Variants in AMMECR1 observed in about 807,000 individuals in gnomAD.
AMMECR1 encodes the protein nuclear protein AMMECR1.
In AMMECR1, 3 loss-of-function variants were observed where a neutral mutation model predicts 22.5. The observed-to-expected ratio is 0.13, with a 90% CI of 0.06 to 0.35. The LOEUF (loss-of-function observed/expected upper bound fraction) is 0.35, where lower values mean the gene tolerates loss of function less well. AMMECR1 is among the 10% of genes least tolerant of loss of function. The pLI, the probability that AMMECR1 is intolerant of heterozygous loss-of-function variation, is 1.00. For synonymous variants in AMMECR1, 130 were observed against 116.7 expected, an observed-to-expected ratio of 1.11 and a Z score of -0.74; for missense variants, 235 against 278.7, an observed-to-expected ratio of 0.84 and a Z score of 1.12.
At chrX:110,342,064 TA>T (rs1174148583) in intron 2 of AMMECR1, among the ~76,000 whole-genome samples, 4 of 109,842 alleles carry the variant, frequency 3.6e-5, no homozygotes, top group African/African-American at 1.3e-4. Flanking sequence ...GTCTCATTTT[TA>T]AAAAACAGAA....
chrX:110,407,056 C>A (rs534173079), intron 2 of AMMECR1, among the ~76,000 whole-genome samples: 4 of 111,389 alleles, frequency 3.6e-5, no homozygotes, highest in African/African-American at 6.5e-5. Context: ...TCTGGTATTG[C>A]GCAAACGCTG....
rs974323023 is a variant in AMMECR1 at position 110,345,584 on chromosome X, A to C, written c.-147-27735T>G. ...TGGGAACAACAGACACTGCAGAGGG[A>C]GGGTGTGGACCAAGAGCTGTAAAAC... On this transcript the variant is annotated intron_variant, in intron 2 of 7. Coordinates refer to the AMMECR1 transcript ENST00000372057. 4.5e-5 allele frequency among the ~76,000 whole-genome samples: 5 copies of C among 110,219 alleles called. No homozygotes were observed. In the East Asian group the frequency reaches 1.1e-3, roughly 25 times the overall value.
At chrX:110,371,852 G>C (rs911708061) in intron 2 of AMMECR1, among the ~76,000 whole-genome samples, 34 of 110,739 alleles carry the variant, frequency 3.1e-4, no homozygotes, top group Non-Finnish European at 4.9e-4. Context: ...GTGCTCCCTG[G>C]GGTGCTTCAC....
At chrX:110,406,633 C>A (rs933632867) in intron 2 of AMMECR1, among the ~76,000 whole-genome samples, 1 of 111,700 alleles carries the variant, frequency 9.0e-6, no homozygotes, top group African/African-American at 3.3e-5. Context: ...GTAATGGGAT[C>A]GCTGGGTCAA....
At chrX:110,362,679 AT>A (rs2068272051) in intron 2 of AMMECR1, among the ~76,000 whole-genome samples, 1 of 111,943 alleles carries the variant, frequency 8.9e-6, no homozygotes, top group Non-Finnish European at 1.9e-5. Context: ...TAAATGAAGT[AT>A]TTACCAGTTC....
chrX:110,213,359 C>T (rs982491563), intron 3 of AMMECR1, among the ~76,000 whole-genome samples: 9 of 112,325 alleles, frequency 8.0e-5, no homozygotes, highest in Admixed American at 3.8e-4. Context: ...TGGAGTCATA[C>T]GGAATGTGGC....
At chrX:110,270,964 T>C (rs779264962) in intron 1 of AMMECR1, among the ~76,000 whole-genome samples, 1 of 112,202 alleles carries the variant, frequency 8.9e-6, no homozygotes, top group Non-Finnish European at 1.9e-5. Context: ...GTTCATATTA[T>C]AGAATGAATG....
Position 110,398,631 on chromosome X carries a change from C to G in AMMECR1, c.-148+28027G>C, listed in dbSNP as rs369342667. On this transcript the variant is annotated intron_variant, in intron 2 of 7. Coordinates refer to the AMMECR1 transcript ENST00000372057. Reference sequence around the variant, plus strand: ...TAGAACTAGGACACAGCAGAAGAAACAGGCATAAATCCAGTTAGATCTTAA... The same window carrying G: ...TAGAACTAGGACACAGCAGAAGAAAGAGGCATAAATCCAGTTAGATCTTAA... Among the ~76,000 whole-genome samples, 9 of 111,900 alleles carry G rather than the reference C, an allele frequency of 8.0e-5. 1 individual carries two copies. The East Asian group carries it at 2.5e-3, about 31-fold the overall frequency.
rs183441216 is a variant in AMMECR1, at chrX:110,200,321, G to A, written c.887+633C>T. 5.8e-3 allele frequency among the ~76,000 whole-genome samples: 646 copies of A among 111,864 alleles called. 5 individuals are homozygous for A. The highest frequency in any genetic ancestry group is 7.8e-3 in the Admixed American group (82 of 10,540). Reference sequence around the variant, plus strand: ...CTCCACTGTGAACTCAGGGAGAGCAGAGATGGAGGTATTTCTGAATTTGTA... The same window carrying A: ...CTCCACTGTGAACTCAGGGAGAGCAAAGATGGAGGTATTTCTGAATTTGTA... On this transcript the variant is annotated intron_variant, in intron 5 of 5. Coordinates refer to ENST00000262844, the MANE Select transcript of AMMECR1 (RefSeq NM_015365.3).
intron 2 of AMMECR1, 120 bp downstream of exon 2, chrX:110,264,369 C>A: frequency 2.3e-6 from 1 of 437,679 alleles, no homozygotes; most frequent in South Asian, 4.7e-5. Flanking sequence ...AAGGAAAAAC[C>A]TGACATGAAG....
At chrX:110,311,513 GT>G (rs922178296) in intron 1 of AMMECR1, among the ~76,000 whole-genome samples, 5 of 109,414 alleles carry the variant, frequency 4.6e-5, no homozygotes, top group African/African-American at 1.3e-4. Flanking sequence ...CAAAAACAGG[GT>G]TTTTTTTTCC....
In AMMECR1 at chrX:110,317,721, TGAG is replaced by T. The variant is rs2068056923; in HGVS notation, c.348_350del (p.Ser118del). On this transcript the variant is annotated inframe_deletion, in exon 1 of 6. Coordinates refer to ENST00000262844, the MANE Select transcript of AMMECR1 (RefSeq NM_015365.3). ...CCACCATCTTCCGGGAGCCCGGCGA[TGAG>T]GACGAGGCGGCGGACGATGAGGAGG... The T allele has an allele frequency of 8.3e-7, 1 of 1,200,342 alleles. No homozygotes were observed. Among genetic ancestry groups the T allele is most frequent in the Non-Finnish European group, 1.1e-6 (1 of 889,928 alleles).
chrX:110,372,799 A>G (rs1402700017), intron 2 of AMMECR1, among the ~76,000 whole-genome samples: 1 of 111,636 alleles, frequency 9.0e-6, no homozygotes, highest in African/African-American at 3.3e-5. Flanking sequence ...AGTCACAGCA[A>G]TGAGCATAAA....
At position 110,359,298 on chromosome X, in the gene AMMECR1, T is replaced by G. The variant is rs756446053; in HGVS notation, c.-147-41449A>C. Among the ~76,000 whole-genome samples the G allele has an allele frequency of 1.3e-4, 14 of 111,082 alleles. No homozygotes were observed. The South Asian group carries it at 5.4e-3, about 43-fold the overall frequency. On this transcript the variant is annotated intron_variant, in intron 2 of 7. Transcript: ENST00000372057. ...AGCAAATTTCCCTTACCCCTTTGGC[T>G]TTTTTTTCACCCATGAACCCTCTAA... is the stretch of plus-strand genomic sequence containing the variant.
At chrX:110,285,431 G>A (rs920050430) in intron 1 of AMMECR1, among the ~76,000 whole-genome samples, 7 of 111,900 alleles carry the variant, frequency 6.3e-5, no homozygotes, top group Non-Finnish European at 1.3e-4. Flanking sequence ...TCTACCAAGA[G>A]TATAGAAATA....
intron 2 of AMMECR1, among the ~76,000 whole-genome samples, chrX:110,349,080 T>C (rs959098389): frequency 8.9e-6 from 1 of 112,107 alleles, no homozygotes; most frequent in Admixed American, 9.4e-5. Flanking sequence ...ACAATAATAG[T>C]TGCCATTTGT....
chrX:110,264,947 G>A (rs996989071), intron 1 of AMMECR1, among the ~76,000 whole-genome samples: 1 of 111,454 alleles, frequency 9.0e-6, no homozygotes, highest in Non-Finnish European at 1.9e-5. Context: ...CTCAAACCTG[G>A]GCAATCTTAA....
At chrX:110,361,994 C>T (rs2068266927) in intron 2 of AMMECR1, among the ~76,000 whole-genome samples, 1 of 112,003 alleles carries the variant, frequency 8.9e-6, no homozygotes, top group Non-Finnish European at 1.9e-5. Context: ...GTACTGACCC[C>T]TGCTAGAATG....
intron 2 of AMMECR1, among the ~76,000 whole-genome samples, chrX:110,231,812 T>C (rs759150144): frequency 3.6e-5 from 4 of 110,188 alleles, no homozygotes; most frequent in African/African-American, 1.3e-4. Flanking sequence ...AATAAAGGGA[T>C]GGAGGAAGAT....
Sources: allele counts gnomAD v4.1 joint callset (sites outside exome capture counted in the v4.1 genomes callset), GRCh38; gene constraint gnomAD v4.1.1; transcripts MANE v1.5; gene names NCBI Gene and HGNC (gene_info 2026-07-23, HGNC 2026-07-21).